Variants in TRAK1 observed in about 807,000 individuals in gnomAD.
TRAK1 encodes trafficking kinesin protein 1.
TRAK1 carries 33 observed loss-of-function variants against 92.1 expected under a neutral mutation model. That is an observed-to-expected ratio of 0.36 (90% confidence interval 0.27 to 0.48). TRAK1 has a LOEUF of 0.48. Among genes scored for constraint, TRAK1 ranks in the 20% least tolerant of loss-of-function variants. The pLI is 0.99. For synonymous variants in TRAK1, 521 were observed against 517.3 expected, an observed-to-expected ratio of 1.01 and a Z score of -0.10; for missense variants, 1,123 against 1,257.9, an observed-to-expected ratio of 0.89 and a Z score of 1.62.
chr3:42,167,901 C>CA (rs777461880), intron 2 of TRAK1, among the ~76,000 whole-genome samples: 1 of 151,994 alleles, frequency 6.6e-6, no homozygotes, highest in Non-Finnish European at 1.5e-5. Context: ...GCAACAACAA[C>CA]AAAAAAACCA....
At chr3:42,184,156 C>A (rs1257851510) in intron 3 of TRAK1, among the ~76,000 whole-genome samples, 3 of 152,208 alleles carry the variant, frequency 2.0e-5, no homozygotes, top group Non-Finnish European at 4.4e-5. Flanking sequence ...TTTTGTTTCA[C>A]ATGAGGCAAA....
upstream of TRAK1, among the ~76,000 whole-genome samples, chr3:42,086,006 TCAGACCACAC>T (rs1439141162): frequency 4.6e-5 from 7 of 152,368 alleles, no homozygotes; most frequent in East Asian, 7.7e-4. Context: ...CCAGGGATTC[TCAGACCACAC>T]TTTGAGATCT....
In TRAK1 at chr3:42,206,597, A is replaced by T. The variant is rs192615652; in HGVS notation, c.1745-3170A>T. Among the ~76,000 whole-genome samples, 4 of 152,352 alleles carry T rather than the reference A, an allele frequency of 2.6e-5. No individual in the cohort carries two copies. In the East Asian group the frequency reaches 7.7e-4, roughly 29 times the overall value. ...TGCAGACAGCAGGGATAACGTGAAG[A>T]TTAAGTGAATTATAAATGTAGACCT... On this transcript the variant is annotated intron_variant, in intron 13 of 15. Coordinates refer to ENST00000327628, the MANE Select transcript of TRAK1 (RefSeq NM_001042646.3).
At chr3:42,030,680 A>C (rs1702099380) in intron 1 of TRAK1, among the ~76,000 whole-genome samples, 1 of 99,494 alleles carries the variant, frequency 1.0e-5, no homozygotes, top group Non-Finnish European at 2.0e-5. Flanking sequence ...CTCAAAAAAA[A>C]AAAAAAAGAA....
chr3:42,020,623 C>T (rs971055740), intron 1 of TRAK1, among the ~76,000 whole-genome samples: 1 of 152,080 alleles, frequency 6.6e-6, no homozygotes, highest in African/African-American at 2.4e-5. Context: ...TGTATAAGTA[C>T]TCATTTCTAT....
intron 1 of TRAK1, among the ~76,000 whole-genome samples, chr3:42,096,086 G>A (rs1477381643): frequency 1.3e-5 from 2 of 152,062 alleles, no homozygotes; most frequent in Admixed American, 1.3e-4. Flanking sequence ...ACCAGTTTAT[G>A]GTATTTTGCT....
intron 1 of TRAK1, among the ~76,000 whole-genome samples, chr3:42,050,014 C>A (rs553292312): frequency 9.9e-5 from 15 of 152,234 alleles, no homozygotes; most frequent in African/African-American, 3.6e-4. Flanking sequence ...GGCTTGTTGA[C>A]AGTAGGGCTG....
intron 1 of TRAK1, among the ~76,000 whole-genome samples, chr3:42,113,551 C>T (rs1422484422): frequency 1.3e-5 from 2 of 151,592 alleles, no homozygotes; most frequent in Non-Finnish European, 2.9e-5. Flanking sequence ...GTAGCTGGAA[C>T]TACAGGTGTG....
chr3:42,165,161 AGTG>A (rs773545280), intron 2 of TRAK1, among the ~76,000 whole-genome samples: 3 of 152,272 alleles, frequency 2.0e-5, no homozygotes, highest in Non-Finnish European at 4.4e-5. Context: ...GAGTTTGCTG[AGTG>A]TTCTCATGAC....
chr3:42,216,398 A>G (rs1577059448), intron 14 of TRAK1, among the ~76,000 whole-genome samples: 1 of 152,298 alleles, frequency 6.6e-6, no homozygotes. Flanking sequence ...ATGGGCACTC[A>G]GTGCCACTTA....
intron 10 of TRAK1, among the ~76,000 whole-genome samples, chr3:42,196,477 T>A (rs571595158): frequency 6.6e-6 from 1 of 152,304 alleles, no homozygotes; most frequent in Admixed American, 6.5e-5. Flanking sequence ...TAGCACTGCT[T>A]GTGACTTTGT....
intron 13 of TRAK1, among the ~76,000 whole-genome samples, chr3:42,206,341 C>T (rs778177020): frequency 8.5e-5 from 13 of 152,126 alleles, no homozygotes; most frequent in Non-Finnish European, 1.5e-4. Flanking sequence ...TGAAATAGCA[C>T]AGTCAGGTTT....
chr3:42,088,373 C>T (rs1704797540), upstream of TRAK1, among the ~76,000 whole-genome samples: 1 of 152,052 alleles, frequency 6.6e-6, no homozygotes, highest in Admixed American at 6.5e-5. Flanking sequence ...TTAAGTGGCC[C>T]ACATGTGTTG....
At chr3:42,219,951 A>G (rs1235755266) in intron 15 of TRAK1, among the ~76,000 whole-genome samples, 1 of 151,900 alleles carries the variant, frequency 6.6e-6, no homozygotes, top group Non-Finnish European at 1.5e-5. Flanking sequence ...GGCTCAAATA[A>G]AGAGACCTGG....
chr3:42,180,677 C>CAAAAAAA (rs33959095), intron 3 of TRAK1, among the ~76,000 whole-genome samples: 4 of 86,948 alleles, frequency 4.6e-5, no homozygotes, highest in Admixed American at 1.3e-4. Flanking sequence ...AGACCTGTCT[C>CAAAAAAA]AAAAAAAAAA....
intron 1 of TRAK1, among the ~76,000 whole-genome samples, chr3:42,102,100 C>T (rs148127113): frequency 0.027 from 4,083 of 152,312 alleles, 204 homozygotes; most frequent in African/African-American, 0.093. Flanking sequence ...ATTCTCCTGC[C>T]TCACCCTCCC....
At chr3:42,159,565 C>T (rs769202790) in intron 2 of TRAK1, among the ~76,000 whole-genome samples, 4 of 152,076 alleles carry the variant, frequency 2.6e-5, no homozygotes, top group Non-Finnish European at 5.9e-5. Flanking sequence ...TTACCTTGTT[C>T]TAGCAATTAG....
chr3:42,201,561 T>C (rs1242712459), intron 12 of TRAK1, among the ~76,000 whole-genome samples: 1 of 152,074 alleles, frequency 6.6e-6, no homozygotes, highest in Non-Finnish European at 1.5e-5. Flanking sequence ...CTTAAAGATG[T>C]ATAACAAGAT....
chr3:42,023,520 C>T (rs567999510), intron 1 of TRAK1, among the ~76,000 whole-genome samples: 170 of 152,062 alleles, frequency 1.1e-3, no homozygotes, highest in African/African-American at 3.9e-3. Flanking sequence ...GAAGCTCTGG[C>T]TGTACTCAAG....
Sources: allele counts gnomAD v4.1 joint callset (sites outside exome capture counted in the v4.1 genomes callset), GRCh38; gene constraint gnomAD v4.1.1; transcripts MANE v1.5; gene names NCBI Gene and HGNC (gene_info 2026-07-23, HGNC 2026-07-21).